Variants in UBE4B observed in about 807,000 individuals in gnomAD.
The protein encoded by UBE4B is ubiquitin conjugation factor E4 B.
Under a neutral mutation model 148.1 loss-of-function variants are expected in UBE4B, and 27 were observed. The ratio of observed to expected loss-of-function variants is 0.18; its 90% CI spans 0.13 to 0.25. The LOEUF is 0.25. Among genes scored for constraint, UBE4B ranks in the 10% least tolerant of loss-of-function variants. UBE4B has a pLI of 1.00. For synonymous variants in UBE4B, 596 were observed against 619.3 expected, an observed-to-expected ratio of 0.96 and a Z score of 0.56; for missense variants, 1,170 against 1,662.4, an observed-to-expected ratio of 0.70 and a Z score of 5.15.
intron 1 of UBE4B, among the ~76,000 whole-genome samples, chr1:10,062,878 C>G (rs747163617): frequency 4.6e-5 from 7 of 150,670 alleles, no homozygotes; most frequent in Non-Finnish European, 1.0e-4. Context: ...ATGGCTTGTA[C>G]CTGGGAGGCG....
intron 6 of UBE4B, 130 bp downstream of exon 6, chr1:10,105,874 T>G (rs1645097124): frequency 9.8e-7 from 1 of 1,021,904 alleles, no homozygotes; most frequent in Non-Finnish European, 1.4e-6. Flanking sequence ...TTTGGGGAGG[T>G]GGATTTAGTC....
At chr1:10,095,360 A>G (rs1433252205) in intron 2 of UBE4B, 101 bp from the exon 3 acceptor site, 6 of 1,437,232 alleles carry the variant, frequency 4.2e-6, no homozygotes, top group African/African-American at 1.4e-5. Context: ...CTGCAATGTC[A>G]TGATGGGTGA....
Position 10,106,507 on chromosome 1 carries a change from A to C in UBE4B, c.1120A>C (p.Ser374Arg). 6.2e-7 allele frequency: 1 copy of C among 1,612,600 alleles called. No individual in the cohort carries two copies. Among genetic ancestry groups the C allele is most frequent in the Non-Finnish European group, 8.5e-7 (1 of 1,179,836 alleles). Residue 374 changes from serine to arginine, a missense_variant, in exon 7 of 28, where the codon AGC becomes CGC. This residue lies in a region of UBE4B where 214 missense variants were observed against 209.1 expected (regional missense o/e 1.02). Transcript: ENST00000343090. This position sits in a 1 kb window ranked among gnomAD's most constrained non-coding sequence, Gnocchi z 4.2. ...CAGCAGTTCCAGACAGAGGCCCAGCAGCACGGGTCCACCCCTACCACCCGC... is the reference window on the plus strand; with the variant it reads ...CAGCAGTTCCAGACAGAGGCCCAGCCGCACGGGTCCACCCCTACCACCCGC... Reference protein sequence around the residue: ...PASSSRQRPSSTGPPLPPASP... With the variant: ...PASSSRQRPSRTGPPLPPASP...
intron 17 of UBE4B, among the ~76,000 whole-genome samples, chr1:10,142,366 T>C (rs1442772583): frequency 6.6e-6 from 1 of 152,120 alleles, no homozygotes; most frequent in Admixed American, 6.6e-5. Flanking sequence ...ATATTACAGT[T>C]CTGAAGGTCA....
intron 5 of UBE4B, 151 bp downstream of exon 5, chr1:10,103,243 T>C: frequency 4.4e-6 from 3 of 681,168 alleles, no homozygotes; most frequent in Non-Finnish European, 6.9e-6. Context: ...ACACAATTGT[T>C]TAGCCACTTT....
In UBE4B at chr1:10,106,296, G is replaced by A. The variant is rs370168292; in HGVS notation, c.909G>A (p.Leu303=). 57 of 1,613,998 alleles carry A rather than the reference G, an allele frequency of 3.5e-5. No individual in the cohort carries two copies. The highest frequency in any genetic ancestry group is 4.5e-5 in the Non-Finnish European group (53 of 1,180,016). The change falls in exon 7 of 28, where the codon TTG becomes TTA. Residue 303 remains leucine (L), a synonymous_variant. Coordinates refer to ENST00000343090, the MANE Select transcript of UBE4B (RefSeq NM_001105562.3). This position sits in a 1 kb window ranked among gnomAD's most constrained non-coding sequence, Gnocchi z 4.2. ...CACCTTCCCGTGCAGCCAGCCAGTT[G>A]GCTGTGCCTTCCACTCCCCTCAGTC... ...LASPSRAASQ[L]AVPSTPLSPH...
chr1:10,036,761 G>GT (rs1349349660), intron 1 of UBE4B, among the ~76,000 whole-genome samples: 1 of 152,082 alleles, frequency 6.6e-6, no homozygotes, highest in Non-Finnish European at 1.5e-5. Flanking sequence ...GTCAGATATG[G>GT]TAGGTGACAT....
At chr1:10,125,418 G>A (rs1242208126) in intron 10 of UBE4B, among the ~76,000 whole-genome samples, 2 of 152,172 alleles carry the variant, frequency 1.3e-5, no homozygotes, top group African/African-American at 2.4e-5. Flanking sequence ...TTGATTGTTG[G>A]TATTGCAGAA....
chr1:10,153,688 G>C (rs575903174), intron 21 of UBE4B, among the ~76,000 whole-genome samples: 1 of 151,804 alleles, frequency 6.6e-6, no homozygotes, highest in African/African-American at 2.4e-5. Flanking sequence ...GGTGGCTCAC[G>C]CCTGTAATCC....
chr1:10,113,792 C>T (rs1212282678), intron 7 of UBE4B, among the ~76,000 whole-genome samples: 2 of 152,020 alleles, frequency 1.3e-5, no homozygotes, highest in Non-Finnish European at 2.9e-5. Flanking sequence ...TTCGGCCGGA[C>T]GCAGTGGCTC....
At position 10,033,461 on chromosome 1, in the gene UBE4B, AGTC is replaced by A; in HGVS notation, c.-209_-207del. The A allele has an allele frequency of 2.4e-6, 1 of 425,342 alleles. No individual in the cohort carries two copies. The highest frequency in any genetic ancestry group is 4.1e-6 in the Non-Finnish European group (1 of 243,954). The allele number at this position is 425,342 out of a possible 1,614,324, so 26.3% of individuals were successfully genotyped here. A position where few individuals can be genotyped will look rare whatever the true frequency, so the allele number is the denominator to read the frequency against. ...TGCTCAGGGAACAAGCGGCTGTAGT[AGTC>A]TGTGGGGCGACTGGAGTGACCGAAG... On this transcript the variant is annotated 5_prime_UTR_variant, in exon 1 of 28. It adds an upstream start codon to the 5' untranslated region. Transcript: ENST00000343090.
At chr1:10,097,590 A>G (rs1482422521) in intron 3 of UBE4B, among the ~76,000 whole-genome samples, 3 of 152,308 alleles carry the variant, frequency 2.0e-5, no homozygotes, top group East Asian at 1.9e-4. Flanking sequence ...GCAGGTGTTC[A>G]CTTGAGGTCA....
At chr1:10,119,448 T>G (rs1028414605) in intron 8 of UBE4B, 65 bp from the exon 9 acceptor site, 8 of 1,544,110 alleles carry the variant, frequency 5.2e-6, no homozygotes, top group Middle Eastern at 1.7e-4. Context: ...TTAACTCTTA[T>G]TTTTAACAGC....
rs530739302 is a variant in UBE4B at position 10,041,821 on chromosome 1, C to T, written c.24+8127C>T. On this transcript the variant is annotated intron_variant, in intron 1 of 27. Coordinates refer to ENST00000343090, the MANE Select transcript of UBE4B (RefSeq NM_001105562.3). ...AAGTGATTCTCCTGCCTCAGCCTCC[C>T]GAGTAGCTGGGGTTACAGGCACATG... 9.1e-4 allele frequency among the ~76,000 whole-genome samples: 138 copies of T among 152,084 alleles called. 1 individual carries two copies. Among genetic ancestry groups the T allele is most frequent in the African/African-American group, 2.8e-3 (118 of 41,506 alleles).
chr1:10,072,526 A>C, intron 2 of UBE4B: 1 of 712,320 alleles, frequency 1.4e-6, no homozygotes. Context: ...AATTTGGTTG[A>C]TGGTTTTAAG....
chr1:10,176,063 C>T (rs1370537645), intron 25 of UBE4B, among the ~76,000 whole-genome samples: 1 of 152,180 alleles, frequency 6.6e-6, no homozygotes, highest in East Asian at 1.9e-4. Flanking sequence ...TACCTATTCA[C>T]CTCTCCGGGA....
chr1:10,161,017 A>T lies in UBE4B; in HGVS notation c.3054-125A>T. On this transcript the variant is annotated intron_variant, in intron 22 of 27. Transcript: ENST00000343090. The surrounding 1 kb of genome is among the most constrained non-coding windows in gnomAD (Gnocchi z 4.1). ...AATTCCATAGTGCCTGACTTGTGCC[A>T]GGGTAGCCAGGCTTTTAGGGTGAGA... The T allele has an allele frequency of 9.8e-7, 1 of 1,017,292 alleles. No homozygotes were observed. The highest frequency in any genetic ancestry group is 1.5e-6 in the Non-Finnish European group (1 of 687,242). 63.0% of individuals were successfully genotyped at this position (1,017,292 alleles called of 1,614,324 possible).
chr1:10,118,809 A>C (rs1327242404), intron 8 of UBE4B, among the ~76,000 whole-genome samples: 1 of 137,326 alleles, frequency 7.3e-6, no homozygotes. Flanking sequence ...CGGCACACCC[A>C]GCTAATTTTT....
At chr1:10,109,041 G>A (rs1645169901) in intron 7 of UBE4B, among the ~76,000 whole-genome samples, 2 of 152,120 alleles carry the variant, frequency 1.3e-5, no homozygotes, top group Non-Finnish European at 2.9e-5. Flanking sequence ...CCTTGCCTCA[G>A]ATCTAAATTC....
Sources: allele counts gnomAD v4.1 joint callset (sites outside exome capture counted in the v4.1 genomes callset), GRCh38; gene constraint gnomAD v4.1.1; regional missense constraint gnomAD v4.1.1; non-coding constraint Gnocchi (gnomAD v3.1); transcripts MANE v1.5; gene names NCBI Gene and HGNC (gene_info 2026-07-23, HGNC 2026-07-21).